Variants in CLIP1 observed in about 807,000 individuals in gnomAD.
The protein encoded by CLIP1 is CAP-Gly domain-containing linker protein 1.
CLIP1 carries 66 observed loss-of-function variants against 161.6 expected under a neutral mutation model. The ratio of observed to expected loss-of-function variants is 0.41; its 90% confidence interval spans 0.33 to 0.50. The LOEUF (loss-of-function observed/expected upper bound fraction) is 0.50. CLIP1 is among the 20% of genes least tolerant of loss of function. The pLI, the probability that CLIP1 is intolerant of heterozygous loss-of-function variation, is 0.27. For missense variants in CLIP1, 1,376 were observed against 1,702.0 expected, an observed-to-expected ratio of 0.81 and a Z score of 3.37; for synonymous variants, 598 against 626.2, an observed-to-expected ratio of 0.96 and a Z score of 0.67.
At chr12:122,286,320 A>C (rs4758671) in intron 21 of CLIP1, among the ~76,000 whole-genome samples, 64,576 of 151,096 alleles carry the variant, frequency 0.43, 15,280 homozygotes, top group East Asian at 0.66. Context: ...AGTTAGAGAC[A>C]AGCCTGGCCA....
chr12:122,394,807 T>G (rs769355629), intron 1 of CLIP1, among the ~76,000 whole-genome samples: 20 of 152,002 alleles, frequency 1.3e-4, no homozygotes, highest in Non-Finnish European at 8.8e-5. Context: ...GAGCCGAGAT[T>G]GCATCACTGC....
At chr12:122,366,652 C>G (rs1954187372) in intron 3 of CLIP1, among the ~76,000 whole-genome samples, 1 of 152,110 alleles carries the variant, frequency 6.6e-6, no homozygotes, top group Non-Finnish European at 1.5e-5. Context: ...ACCAGCTTGG[C>G]CAACATGGTG....
chr12:122,377,287 T>G (rs1954785928), intron 3 of CLIP1, 102 bp downstream of exon 3: 1 of 1,065,248 alleles, frequency 9.4e-7, no homozygotes. Context: ...GGATTATAGG[T>G]GTGAGCCACC....
rs1440374246 is a variant in CLIP1, at chr12:122,422,640, C to A, written c.-226G>T. The A allele has an allele frequency of 2.1e-5, 3 of 146,136 alleles. No individual in the cohort carries two copies. The highest frequency in any genetic ancestry group is 7.4e-5 in the African/African-American group (3 of 40,650). The allele number at this position is 146,136 out of a possible 1,614,324, so 9.1% of individuals were successfully genotyped here. ...GGCGGGGGAGAGCGTGACGCGCCGC[C>A]GCCGCCGCGGGGCCGGGCGGGCGCG... is the stretch of plus-strand genomic sequence containing the variant. On this transcript the variant is annotated 5_prime_UTR_variant, in exon 1 of 26. Coordinates refer to ENST00000620786, the MANE Select transcript of CLIP1 (RefSeq NM_001247997.2).
At chr12:122,297,800 C>T (rs1195760351) in intron 20 of CLIP1, among the ~76,000 whole-genome samples, 1 of 152,176 alleles carries the variant, frequency 6.6e-6, no homozygotes, top group African/African-American at 2.4e-5. Flanking sequence ...ACACAGTGAT[C>T]GGCTGCACAG....
At chr12:122,353,482 G>A (rs1307882939) in intron 7 of CLIP1, among the ~76,000 whole-genome samples, 1 of 152,160 alleles carries the variant, frequency 6.6e-6, no homozygotes, top group African/African-American at 2.4e-5. Context: ...AGGCATGTTG[G>A]CATGTGCCTG....
At chr12:122,332,544 C>G (rs751626894) in intron 15 of CLIP1, among the ~76,000 whole-genome samples, 12 of 152,036 alleles carry the variant, frequency 7.9e-5, no homozygotes, top group Non-Finnish European at 1.3e-4. Context: ...ATCTCAGCCT[C>G]CCCAGTAGCT....
chr12:122,301,441 C>A (rs542347902), intron 20 of CLIP1, among the ~76,000 whole-genome samples: 4 of 152,150 alleles, frequency 2.6e-5, no homozygotes, highest in Non-Finnish European at 4.4e-5. Flanking sequence ...GAGGCCGAGG[C>A]GAGTCCTGAC....
intron 3 of CLIP1, among the ~76,000 whole-genome samples, chr12:122,370,225 C>G (rs1954376838): frequency 6.8e-6 from 1 of 146,086 alleles, no homozygotes; most frequent in South Asian, 2.1e-4. Context: ...GTAGCTGAAG[C>G]AGAGTGAGAA....
In CLIP1 at chr12:122,341,540, A is replaced by G. The variant is rs774279426; in HGVS notation, c.1664T>C (p.Leu555Ser). The change falls in exon 11 of 26, where the codon TTG becomes TCG. Residue 555 changes from leucine (L) to serine (S), a missense_variant. Transcript: ENST00000620786. ...ACGGGTGACTTCTAACTTTTCTTGCAAAGAGCTTATCTCTTGCAAAAGGGA... is the reference window on the plus strand; with the variant it reads ...ACGGGTGACTTCTAACTTTTCTTGCGAAGAGCTTATCTCTTGCAAAAGGGA... Reference protein sequence around the residue: ...SLSLLQEISSLQEKLEVTRTD... With the variant: ...SLSLLQEISSSQEKLEVTRTD... The G allele has an allele frequency of 6.2e-7, 1 of 1,613,908 alleles. No individual in the cohort carries two copies. Among genetic ancestry groups the G allele is most frequent in the East Asian group, 2.2e-5 (1 of 44,886 alleles).
chr12:122,317,689 G>A (rs1187131730), intron 18 of CLIP1, among the ~76,000 whole-genome samples: 11 of 152,210 alleles, frequency 7.2e-5, no homozygotes, highest in Admixed American at 6.5e-5. Flanking sequence ...GCCAGAAAAG[G>A]GAGCTATCTC....
chr12:122,376,592 G>A (rs1388312166), intron 3 of CLIP1, among the ~76,000 whole-genome samples: 6 of 151,522 alleles, frequency 4.0e-5, no homozygotes, highest in Non-Finnish European at 5.9e-5. Flanking sequence ...TCAGCCTCCC[G>A]AGTAGCTGGG....
intron 7 of CLIP1, among the ~76,000 whole-genome samples, chr12:122,353,724 G>A (rs958183763): frequency 1.3e-5 from 2 of 151,880 alleles, no homozygotes; most frequent in Non-Finnish European, 2.9e-5. Context: ...TCTGCCACCC[G>A]GGTTCAAGCA....
chr12:122,330,399 C>CTT (rs1224875074), intron 15 of CLIP1, among the ~76,000 whole-genome samples: 12 of 152,096 alleles, frequency 7.9e-5, no homozygotes, highest in African/African-American at 2.9e-4. Context: ...ATAAATAGAA[C>CTT]TTTGCAGGTA....
At chr12:122,352,810 A>C (rs1309755903) in intron 7 of CLIP1, 24 bp from the exon 8 acceptor site, 2 of 1,596,918 alleles carry the variant, frequency 1.3e-6, no homozygotes, top group African/African-American at 2.7e-5. Context: ...CCCAAACAAA[A>C]CACTTAAGAA....
chr12:122,374,112 C>T (rs532099434), intron 3 of CLIP1, among the ~76,000 whole-genome samples: 6 of 151,822 alleles, frequency 4.0e-5, no homozygotes, highest in South Asian at 2.1e-4. Flanking sequence ...CCAAGGAGAG[C>T]GGATCACGAG....
chr12:122,417,530 T>G (rs1215812426), intron 1 of CLIP1, among the ~76,000 whole-genome samples: 2 of 48,808 alleles, frequency 4.1e-5, no homozygotes, highest in Non-Finnish European at 5.8e-5. Flanking sequence ...TTTTTTTTTT[T>G]GAAACGGAGT....
chr12:122,386,555 A>G (rs1320748179), intron 1 of CLIP1, among the ~76,000 whole-genome samples: 1 of 152,234 alleles, frequency 6.6e-6, no homozygotes, highest in African/African-American at 2.4e-5. Flanking sequence ...TTCTATGCTC[A>G]GATTACAGTT....
intron 4 of CLIP1, among the ~76,000 whole-genome samples, chr12:122,362,689 ATATC>A (rs1426649518): frequency 4.2e-5 from 5 of 120,252 alleles, no homozygotes; most frequent in Non-Finnish European, 8.4e-5. Context: ...AAAATTTTTA[ATATC>A]TGTTTCAATA....
Sources: allele counts gnomAD v4.1 joint callset (sites outside exome capture counted in the v4.1 genomes callset), GRCh38; gene constraint gnomAD v4.1.1; transcripts MANE v1.5; gene names NCBI Gene and HGNC (gene_info 2026-07-23, HGNC 2026-07-21).